Variants in PTPN9 observed in about 807,000 individuals in gnomAD.
PTPN9 encodes the protein tyrosine-protein phosphatase non-receptor type 9.
Under a neutral mutation model 69.8 loss-of-function variants are expected in PTPN9, and 26 were observed. That is an observed-to-expected ratio of 0.37 (90% CI 0.27 to 0.52). PTPN9 has a LOEUF of 0.52. Ranked by LOEUF, PTPN9 falls within the 20% of genes least tolerant of loss-of-function variation. PTPN9 has a pLI of 0.91. For missense variants in PTPN9, 549 were observed against 740.3 expected, an observed-to-expected ratio of 0.74 and a Z score of 3.00; for synonymous variants, 274 against 272.5, an observed-to-expected ratio of 1.01 and a Z score of -0.05.
At chr15:75,528,104 C>A (rs2074939142) in intron 1 of PTPN9, among the ~76,000 whole-genome samples, 1 of 152,132 alleles carries the variant, frequency 6.6e-6, no homozygotes, top group African/African-American at 2.4e-5. Context: ...CCCCACTGGA[C>A]CTCTTCATGC....
intron 9 of PTPN9, among the ~76,000 whole-genome samples, chr15:75,478,145 CT>C (rs926826516): frequency 5.2e-4 from 73 of 140,748 alleles, no homozygotes; most frequent in African/African-American, 1.1e-3. Context: ...GGCCGATCCT[CT>C]TTTTTTTTTT....
intron 5 of PTPN9, among the ~76,000 whole-genome samples, chr15:75,512,108 G>T (rs1478697107): frequency 1.3e-5 from 2 of 152,100 alleles, no homozygotes; most frequent in Non-Finnish European, 2.9e-5. Context: ...GCCTTTCAAA[G>T]TGCTGGGATT....
chr15:75,558,560 G>C (rs1007574014), intron 1 of PTPN9, among the ~76,000 whole-genome samples: 1 of 151,870 alleles, frequency 6.6e-6, no homozygotes, highest in African/African-American at 2.4e-5. Context: ...CTCTTGCCAC[G>C]GTCTCCCTCT....
chr15:75,495,743 C>T (rs1023013790), intron 7 of PTPN9, among the ~76,000 whole-genome samples: 4 of 151,196 alleles, frequency 2.6e-5, no homozygotes, highest in African/African-American at 9.7e-5. Flanking sequence ...ACAACAACAA[C>T]AATAAAAAAC....
chr15:75,490,367 C>T (rs1352588885), intron 7 of PTPN9, 66 bp from the exon 8 acceptor site: 6 of 1,166,930 alleles, frequency 5.1e-6, no homozygotes, highest in Non-Finnish European at 6.4e-6. Context: ...TGTACAAAAT[C>T]TGACCATGCT....
Position 75,523,199 on chromosome 15 carries a change from C to G in PTPN9, c.344G>C (p.Arg115Thr). The G allele has an allele frequency of 6.2e-7, 1 of 1,614,056 alleles. No homozygotes were observed. Among genetic ancestry groups the G allele is most frequent in the Middle Eastern group, 1.6e-4 (1 of 6,062 alleles). The change falls in exon 4 of 13, where the codon AGG becomes ACG. Residue 115 changes from arginine (R) to threonine (T), a missense_variant. By Grantham distance (71) the Arg-to-Thr change is moderately conservative. Coordinates refer to ENST00000618819, the MANE Select transcript of PTPN9 (RefSeq NM_002833.4). ...TGASIALFTARLHHPHKSVQH... is the reference protein window; with the variant it reads ...TGASIALFTATLHHPHKSVQH... ...GACTGACTTGTGGGGATGATGCAACCTGGCAGTAAAGAGGGCAATGGAGGC... is the reference window on the plus strand; with the variant it reads ...GACTGACTTGTGGGGATGATGCAACGTGGCAGTAAAGAGGGCAATGGAGGC...
chr15:75,554,795 T>C (rs762829583), intron 1 of PTPN9, among the ~76,000 whole-genome samples: 4 of 152,226 alleles, frequency 2.6e-5, no homozygotes, highest in Non-Finnish European at 4.4e-5. Context: ...ATGTCCTCAC[T>C]GCAGTGAGGC....
intron 1 of PTPN9, among the ~76,000 whole-genome samples, chr15:75,557,257 TCTA>T (rs1223499828): frequency 1.3e-5 from 2 of 152,030 alleles, no homozygotes; most frequent in Non-Finnish European, 2.9e-5. Flanking sequence ...AAACCCCGTC[TCTA>T]CTAAAAATAC....
chr15:75,559,837 T>A (rs1234226801), intron 1 of PTPN9, among the ~76,000 whole-genome samples: 1 of 151,864 alleles, frequency 6.6e-6, no homozygotes, highest in Non-Finnish European at 1.5e-5. Flanking sequence ...ATGAATATTT[T>A]TTTCTTTTTA....
intron 8 of PTPN9, 104 bp from the exon 9 acceptor site, chr15:75,480,018 CTTG>C: frequency 1.3e-6 from 1 of 742,228 alleles, no homozygotes; most frequent in Non-Finnish European, 2.2e-6. Flanking sequence ...ATATTCTCTT[CTTG>C]TTGAGCAGAA....
In PTPN9 at chr15:75,464,916, C is replaced by G. The variant is rs375048723; in HGVS notation, c.*3853G>C. The G allele has an allele frequency of 2.0e-5, 3 of 152,216 alleles. No homozygotes were observed. The East Asian group carries it at 5.8e-4, about 30-fold the overall frequency. The allele number at this position is 152,216 out of a possible 1,614,324, so 9.4% of individuals were successfully genotyped here. On this transcript the variant is annotated 3_prime_UTR_variant, in exon 13 of 13. Transcript: ENST00000618819. The stretch of plus-strand genomic sequence containing the variant: ...GCACCCTTCGTCTCAGGAGTCCCAT[C>G]CTAGCCAATGAGGATGGGCAAGATG...
chr15:75,507,621 G>T (rs1243780350), intron 6 of PTPN9, among the ~76,000 whole-genome samples: 7 of 151,528 alleles, frequency 4.6e-5, no homozygotes, highest in Admixed American at 4.6e-4. Context: ...CAAAAAATTA[G>T]CCGGGCGTGA....
chr15:75,498,305 A>T (rs1049126970), intron 7 of PTPN9, among the ~76,000 whole-genome samples: 6 of 152,218 alleles, frequency 3.9e-5, no homozygotes, highest in Admixed American at 3.3e-4. Context: ...CATTTTATGT[A>T]ATGTTACTTG....
chr15:75,548,832 T>A (rs528148016), intron 1 of PTPN9, among the ~76,000 whole-genome samples: 3 of 151,820 alleles, frequency 2.0e-5, no homozygotes, highest in Middle Eastern at 3.4e-3. Flanking sequence ...TTTTTGTATT[T>A]TTAATAGAGA....
At chr15:75,515,039 G>GTA (rs371591079) in intron 5 of PTPN9, among the ~76,000 whole-genome samples, 1 of 152,254 alleles carries the variant, frequency 6.6e-6, no homozygotes, top group African/African-American at 2.4e-5. Flanking sequence ...ACTCCTAAGT[G>GTA]TATACCCTAG....
At chr15:75,509,499 G>A (rs534471441) in intron 5 of PTPN9, among the ~76,000 whole-genome samples, 1 of 152,266 alleles carries the variant, frequency 6.6e-6, no homozygotes, top group Admixed American at 6.5e-5. Flanking sequence ...GACCAGCCTG[G>A]CCAACATGGT....
chr15:75,486,403 T>A (rs1254145429), intron 8 of PTPN9, among the ~76,000 whole-genome samples: 1 of 152,120 alleles, frequency 6.6e-6, no homozygotes, highest in Non-Finnish European at 1.5e-5. Flanking sequence ...CCCTTCCCCT[T>A]CTGCCATGTG....
chr15:75,518,825 A>AGG lies in PTPN9; in HGVS notation c.423-1462_423-1461insCC, dbSNP rs1567498947. On this transcript the variant is annotated intron_variant, in intron 4 of 12. Transcript: ENST00000618819. ...GAGCGAGACTCCATCTCAGGGGAAA[A>AGG]AAAAAAAAAAAAAAGTAAGCCTATT... Among the ~76,000 whole-genome samples, 1,184 of 149,478 alleles carry AGG rather than the reference A, an allele frequency of 7.9e-3. 17 individuals carry two copies. The highest frequency in any genetic ancestry group is 0.027 in the African/African-American group (1,112 of 40,544).
rs1306849069 is a variant in PTPN9, at chr15:75,480,806, C to T, written c.1063-892G>A. ...GCGAGGCAGCGGCTGGAGGAGCGGA[C>T]GGGCCCCGCGGGGCCCGAGGGCAAG... On this transcript the variant is annotated intron_variant, in intron 8 of 12. Coordinates refer to ENST00000618819, the MANE Select transcript of PTPN9 (RefSeq NM_002833.4). The T allele has an allele frequency of 5.4e-5, 39 of 721,230 alleles. 1 individual carries two copies. In the South Asian group the frequency reaches 1.3e-3, roughly 24 times the overall value. 44.7% of individuals were successfully genotyped at this position (721,230 alleles called of 1,614,324 possible).
Sources: gnomAD v4.1 joint callset for allele counts (sites outside exome capture counted in the v4.1 genomes callset) on GRCh38, gnomAD v4.1.1 for gene constraint, MANE v1.5 for transcripts, NCBI Gene and HGNC (gene_info 2026-07-23, HGNC 2026-07-21) for gene names.